Variants in ADAMTS2 observed in about 807,000 individuals in gnomAD.
ADAMTS2 encodes A disintegrin and metalloproteinase with thrombospondin motifs 2.
A neutral mutation model predicts 123.0 loss-of-function variants in ADAMTS2; 50 were observed. That is an observed-to-expected ratio of 0.41 (90% CI 0.32 to 0.51). The LOEUF is 0.51. Ranked by LOEUF, ADAMTS2 falls within the 20% of genes least tolerant of loss-of-function variation. The probability of loss-of-function intolerance (pLI) is 0.35; values close to 1 mark genes in which losing one functional copy is unlikely to be tolerated. For missense variants in ADAMTS2, 1,494 were observed against 1,705.2 expected, an observed-to-expected ratio of 0.88 and a Z score of 2.18; for synonymous variants, 678 against 695.4, an observed-to-expected ratio of 0.98 and a Z score of 0.39.
chr5:179,323,891 C>A (rs1237896617), intron 2 of ADAMTS2, among the ~76,000 whole-genome samples: 1 of 152,218 alleles, frequency 6.6e-6, no homozygotes, highest in East Asian at 1.9e-4. Context: ...TGGAAACAAC[C>A]CAATCCATCA....
chr5:179,210,937 G>A (rs1400240788), intron 3 of ADAMTS2, among the ~76,000 whole-genome samples: 1 of 152,254 alleles, frequency 6.6e-6, no homozygotes, highest in Admixed American at 6.5e-5. Flanking sequence ...AAGAGACTCT[G>A]ACCACATGCT....
intron 3 of ADAMTS2, among the ~76,000 whole-genome samples, chr5:179,212,606 G>A (rs1222873604): frequency 6.7e-6 from 1 of 149,534 alleles, no homozygotes; most frequent in African/African-American, 2.5e-5. Flanking sequence ...GGTGGGTTCA[G>A]TGGGCAGGTG....
chr5:179,156,403 AGGCTGGAGTGCAGTGGTGTGATCTC>A lies in ADAMTS2; in HGVS notation c.1133-1509_1133-1485del, dbSNP rs531411646. Among the ~76,000 whole-genome samples the A allele has an allele frequency of 6.9e-4, 97 of 140,998 alleles. 1 individual carries two copies. Among genetic ancestry groups the A allele is most frequent in the African/African-American group, 2.6e-3 (94 of 36,552 alleles). The allele number at this position is 140,998 out of a possible 152,430, so 92.5% of individuals were successfully genotyped here. ...GAGATGGAGTCTCACTCTGCCGTCC[AGGCTGGAGTGCAGTGGTGTGATCTC>A]GGCTCACTGCAACCTCCGCCTCCTG... is the stretch of plus-strand genomic sequence containing the variant. On this transcript the variant is annotated intron_variant, in intron 6 of 21. Coordinates refer to ENST00000251582, the MANE Select transcript of ADAMTS2 (RefSeq NM_014244.5).
chr5:179,266,469 C>T (rs776106783), intron 3 of ADAMTS2, among the ~76,000 whole-genome samples: 8 of 152,196 alleles, frequency 5.3e-5, no homozygotes, highest in Non-Finnish European at 1.0e-4. Context: ...GGAACGCCAA[C>T]AGCCCCCAGG....
intron 2 of ADAMTS2, among the ~76,000 whole-genome samples, chr5:179,279,560 T>G (rs1174383962): frequency 6.6e-6 from 1 of 152,256 alleles, no homozygotes; most frequent in Non-Finnish European, 1.5e-5. Context: ...GCACAGTGCC[T>G]GCAGTTCCCA....
intron 3 of ADAMTS2, among the ~76,000 whole-genome samples, chr5:179,271,912 C>A (rs1157013919): frequency 6.6e-6 from 1 of 152,114 alleles, no homozygotes; most frequent in East Asian, 1.9e-4. Flanking sequence ...AGCACGGGGG[C>A]TGGCCCAGCC....
chr5:179,317,835 A>G lies in ADAMTS2; in HGVS notation c.534+25932T>C, dbSNP rs1757046241. Among the ~76,000 whole-genome samples the G allele has an allele frequency of 6.6e-6, 1 of 152,116 alleles. No individual in the cohort carries two copies. The highest frequency in any genetic ancestry group is 6.5e-5 in the Admixed American group (1 of 15,270). ...AGCAGACGTACAGGATGGAGGGTAG[A>G]GGTGGGGCTGGTCCACAGTGAGGGA... On this transcript the variant is annotated intron_variant, in intron 2 of 21. Coordinates refer to ENST00000251582, the MANE Select transcript of ADAMTS2 (RefSeq NM_014244.5). This position sits in a 1 kb window ranked among gnomAD's most constrained non-coding sequence, Gnocchi z 4.9.
At chr5:179,316,095 A>C in intron 2 of ADAMTS2, among the ~76,000 whole-genome samples, 1 of 152,238 alleles carries the variant, frequency 6.6e-6, no homozygotes, top group South Asian at 2.1e-4. Context: ...AAAAGCTCCC[A>C]GAGGGAAAGA....
At chr5:179,213,653 G>A (rs74459396) in intron 3 of ADAMTS2, among the ~76,000 whole-genome samples, 2,670 of 152,302 alleles carry the variant, frequency 0.018, 72 homozygotes, top group African/African-American at 0.061. Context: ...AGTTGGAGAA[G>A]CATGAGATGG....
chr5:179,140,795 T>TGC (rs1475902529), intron 10 of ADAMTS2, among the ~76,000 whole-genome samples: 1 of 124,048 alleles, frequency 8.1e-6, no homozygotes, highest in African/African-American at 3.2e-5. Flanking sequence ...TCCGACTGCA[T>TGC]GCTCTTTTTT....
intron 7 of ADAMTS2, 131 bp from the exon 8 acceptor site, chr5:179,154,323 G>A: frequency 7.5e-7 from 1 of 1,330,242 alleles, no homozygotes; most frequent in Non-Finnish European, 1.0e-6. Context: ...TCTGAGCCGG[G>A]TGGCACCGAC....
chr5:179,340,392 G>A (rs965508434), intron 2 of ADAMTS2, among the ~76,000 whole-genome samples: 1 of 152,188 alleles, frequency 6.6e-6, no homozygotes, highest in African/African-American at 2.4e-5. Flanking sequence ...CGCAGGTCAC[G>A]AGCCAGTCAA....
At position 179,318,505 on chromosome 5, in the gene ADAMTS2, G is replaced by A. The variant is rs1205267964; in HGVS notation, c.534+25262C>T. The stretch of plus-strand genomic sequence containing the variant: ...CTGCAAAGTGGGACAGCTGCTTCTA[G>A]CCCTCTCACAAGAAGGCTGGTGGGG... On this transcript the variant is annotated intron_variant, in intron 2 of 21. Coordinates refer to ENST00000251582, the MANE Select transcript of ADAMTS2 (RefSeq NM_014244.5). Among the ~76,000 whole-genome samples, 3 of 152,230 alleles carry A rather than the reference G, an allele frequency of 2.0e-5. No individual in the cohort carries two copies. The East Asian group carries it at 5.8e-4, about 29-fold the overall frequency.
intron 3 of ADAMTS2, among the ~76,000 whole-genome samples, chr5:179,215,740 A>T (rs1197801317): frequency 2.0e-5 from 3 of 152,350 alleles, no homozygotes; most frequent in Non-Finnish European, 1.5e-5. Context: ...CCATGAAGAC[A>T]GCCACATTCT....
At chr5:179,310,564 G>A (rs1756802085) in intron 2 of ADAMTS2, among the ~76,000 whole-genome samples, 1 of 152,142 alleles carries the variant, frequency 6.6e-6, no homozygotes, top group African/African-American at 2.4e-5. Context: ...ATCCCGGCTG[G>A]GGTGAGGGAT....
Position 179,163,002 on chromosome 5 carries a change from T to C in ADAMTS2, c.976-4123A>G, listed in dbSNP as rs556957855. ...TGGGAGAAGGGCCCTGGCCAAGTCT[T>C]TGAGGAGGAGTCAAGAGTCCAGCCA... On this transcript the variant is annotated intron_variant, in intron 5 of 21. Coordinates refer to ENST00000251582, the MANE Select transcript of ADAMTS2 (RefSeq NM_014244.5). Among the ~76,000 whole-genome samples the C allele has an allele frequency of 3.9e-5, 6 of 152,194 alleles. No homozygotes were observed. The South Asian group carries it at 1.2e-3, about 32-fold the overall frequency.
rs1243941175 is a variant in ADAMTS2 at position 179,152,206 on chromosome 5, T to C, written c.1565A>G (p.Asn522Ser). 2 of 1,613,682 alleles carry C rather than the reference T, an allele frequency of 1.2e-6. No individual in the cohort carries two copies. The highest frequency in any genetic ancestry group is 1.7e-6 in the Non-Finnish European group (2 of 1,179,872). The change falls in exon 10 of 22, where the codon AAC (asparagine) becomes AGC (serine). Residue 522 changes from asparagine (N) to serine (S), a missense_variant. Asn to Ser is a conservative substitution (Grantham distance 46). This residue lies in a region of ADAMTS2 where 953 missense variants were observed against 1,124.7 expected (regional missense o/e 0.85). Transcript: ENST00000251582. ...CTTCTTGGTCTTGCAAAAGTAGGGG[T>C]TGTCAGGATGGCTGCACCACAGCTG... ...CKQLWCSHPD[N>S]PYFCKTKKGP... is the part of the protein sequence containing the mutation.
intron 6 of ADAMTS2, among the ~76,000 whole-genome samples, chr5:179,157,790 G>T (rs1763506371): frequency 6.6e-6 from 1 of 152,102 alleles, no homozygotes; most frequent in African/African-American, 2.4e-5. Flanking sequence ...TATCTGACTG[G>T]ATTGTCTTTA....
chr5:179,298,822 T>C (rs17607923), intron 2 of ADAMTS2, among the ~76,000 whole-genome samples: 2,734 of 152,340 alleles, frequency 0.018, 35 homozygotes, highest in Non-Finnish European at 0.029. Flanking sequence ...TGCTAAGGTC[T>C]GAAAACATTT....
Sources: allele counts gnomAD v4.1 joint callset (sites outside exome capture counted in the v4.1 genomes callset), GRCh38; gene constraint gnomAD v4.1.1; regional missense constraint gnomAD v4.1.1; non-coding constraint Gnocchi (gnomAD v3.1); transcripts MANE v1.5; gene names NCBI Gene and HGNC (gene_info 2026-07-23, HGNC 2026-07-21).